Variants in HS3ST4 observed in about 807,000 individuals in gnomAD.
HS3ST4 encodes heparan sulfate-glucosamine 3-sulfotransferase 4.
In HS3ST4, 17 loss-of-function variants were observed where a neutral mutation model predicts 29.2. That is an observed-to-expected ratio of 0.58 (90% confidence interval 0.40 to 0.87). The LOEUF (loss-of-function observed/expected upper bound fraction) is 0.87. HS3ST4 is among the 40% of genes least tolerant of loss of function. The pLI is 0.00. For missense variants in HS3ST4, 627 were observed against 634.5 expected (o/e 0.99, Z 0.13); for synonymous variants, 314 against 285.7 (o/e 1.10, Z -1.00).
intron 1 of HS3ST4, among the ~76,000 whole-genome samples, chr16:25,833,517 A>G (rs895186497): frequency 1.3e-5 from 2 of 152,204 alleles, no homozygotes; most frequent in South Asian, 2.1e-4. Flanking sequence ...ACAGTACCTG[A>G]TATATCATAA....
chr16:25,965,277 A>G (rs1480233398), intron 1 of HS3ST4, among the ~76,000 whole-genome samples: 2 of 151,860 alleles, frequency 1.3e-5, no homozygotes, highest in Non-Finnish European at 2.9e-5. Flanking sequence ...TGAAGCCATG[A>G]GCAGAGGGGG....
intron 1 of HS3ST4, among the ~76,000 whole-genome samples, chr16:25,762,108 T>C (rs1370370194): frequency 6.6e-6 from 1 of 152,118 alleles, no homozygotes; most frequent in Non-Finnish European, 1.5e-5. Context: ...GGAGGATCCA[T>C]GAAGCCATAA....
rs570967532 is a variant in HS3ST4 at position 26,002,557 on chromosome 16, A to C, written c.735-133055A>C. 1.2e-3 allele frequency among the ~76,000 whole-genome samples: 184 copies of C among 152,192 alleles called. 1 individual carries two copies. The highest frequency in any genetic ancestry group is 4.4e-3 in the African/African-American group (183 of 41,524). ...AGATAAATGGTGGAAGGATGTGTCT[A>C]TGATTGTGCCACTCATTCCAGCCTG... On this transcript the variant is annotated intron_variant, in intron 1 of 1. Transcript: ENST00000331351.
intron 1 of HS3ST4, among the ~76,000 whole-genome samples, chr16:25,884,812 C>T (rs577572682): frequency 6.8e-4 from 104 of 152,232 alleles, no homozygotes; most frequent in African/African-American, 2.5e-3. Context: ...TTGATCCACC[C>T]GCCTGAGCTA....
chr16:25,872,675 G>A (rs1283560993), intron 1 of HS3ST4, among the ~76,000 whole-genome samples: 1 of 152,218 alleles, frequency 6.6e-6, no homozygotes, highest in African/African-American at 2.4e-5. Flanking sequence ...TTCAGCTTCT[G>A]CTGGATTCAC....
intron 1 of HS3ST4, among the ~76,000 whole-genome samples, chr16:25,710,019 TTTA>T (rs1966405239): frequency 6.6e-6 from 1 of 152,196 alleles, no homozygotes; most frequent in African/African-American, 2.4e-5. Flanking sequence ...TCAGTCTTAA[TTTA>T]ACAACTAGAT....
At chr16:26,028,314 A>G (rs902337961) in intron 1 of HS3ST4, among the ~76,000 whole-genome samples, 1 of 151,890 alleles carries the variant, frequency 6.6e-6, no homozygotes, top group African/African-American at 2.4e-5. Context: ...AAGTAAGCAA[A>G]GATGAGGTAG....
In HS3ST4 at chr16:25,692,341, G is replaced by A. The variant is rs1294345874; in HGVS notation, c.-77G>A. The stretch of plus-strand genomic sequence containing the variant: ...CGGCGGCGGCGGCGGCGGCGGCGGG[G>A]GCGGCGGCTGAAACCATGTCCGGGC... On this transcript the variant is annotated 5_prime_UTR_variant, in exon 1 of 2. Coordinates refer to ENST00000331351, the MANE Select transcript of HS3ST4 (RefSeq NM_006040.3). 1 of 165,530 alleles carries A rather than the reference G, an allele frequency of 6.0e-6. No homozygotes were observed. Among genetic ancestry groups the A allele is most frequent in the Non-Finnish European group, 1.2e-5 (1 of 83,706 alleles). The allele number at this position is 165,530 out of a possible 1,614,324, so 10.3% of individuals were successfully genotyped here.
At chr16:25,966,950 GGGT>G (rs1462821526) in intron 1 of HS3ST4, among the ~76,000 whole-genome samples, 1 of 152,118 alleles carries the variant, frequency 6.6e-6, no homozygotes, top group African/African-American at 2.4e-5. Flanking sequence ...TCTCAGCACA[GGGT>G]ACCCAGGCCT....
At chr16:25,936,352 T>C (rs530879215) in intron 1 of HS3ST4, among the ~76,000 whole-genome samples, 15 of 152,284 alleles carry the variant, frequency 9.9e-5, no homozygotes, top group Non-Finnish European at 2.1e-4. Context: ...TACTGAGACA[T>C]GATGAAATCA....
chr16:26,126,011 G>A (rs905947023), intron 1 of HS3ST4, among the ~76,000 whole-genome samples: 3 of 152,158 alleles, frequency 2.0e-5, no homozygotes, highest in African/African-American at 7.2e-5. Context: ...AGATTCTTAT[G>A]TTCTAACTCA....
At chr16:26,032,783 G>A in intron 1 of HS3ST4, 1 of 1,349,510 alleles carries the variant, frequency 7.4e-7, no homozygotes, top group Non-Finnish European at 1.1e-6. Context: ...ATCTCCCTTA[G>A]CATCCCCTTC....
chr16:25,713,049 T>A lies in HS3ST4; in HGVS notation c.734+19898T>A, dbSNP rs184869934. Reference sequence around the variant, plus strand: ...TTTGACCTCATTTAAATGTTTTTTTTAATTTTTATTTATTTATTTATTTTT... The same window carrying A: ...TTTGACCTCATTTAAATGTTTTTTTAAATTTTTATTTATTTATTTATTTTT... On this transcript the variant is annotated intron_variant, in intron 1 of 1. Transcript: ENST00000331351. 5.4e-3 allele frequency among the ~76,000 whole-genome samples: 819 copies of A among 150,996 alleles called. 5 individuals are homozygous for A. Among genetic ancestry groups the A allele is most frequent in the Middle Eastern group, 0.01 (3 of 292 alleles).
At chr16:25,880,826 T>C in intron 1 of HS3ST4, among the ~76,000 whole-genome samples, 1 of 152,256 alleles carries the variant, frequency 6.6e-6, no homozygotes, top group Non-Finnish European at 1.5e-5. Flanking sequence ...CTTGTATGTC[T>C]TTTAAATAAA....
intron 1 of HS3ST4, among the ~76,000 whole-genome samples, chr16:25,882,719 A>C (rs369013056): frequency 6.6e-6 from 1 of 152,088 alleles, no homozygotes; most frequent in Admixed American, 6.5e-5. Context: ...CGCATGGGCA[A>C]TTCAGATGGC....
intron 1 of HS3ST4, among the ~76,000 whole-genome samples, chr16:25,943,069 A>T (rs1340541655): frequency 6.6e-6 from 1 of 152,244 alleles, no homozygotes; most frequent in African/African-American, 2.4e-5. Context: ...TAATTCTAAT[A>T]ATAAAAATCT....
chr16:25,996,172 T>G (rs1969157536), intron 1 of HS3ST4, among the ~76,000 whole-genome samples: 1 of 152,180 alleles, frequency 6.6e-6, no homozygotes. Flanking sequence ...GTAGCAATTC[T>G]CTGCAGGCAT....
rs148223392 is a variant in HS3ST4, at chr16:26,015,351, G to A, written c.735-120261G>A. ...GGAAGAAATGCAGAAGCAGAATCTGGTGGGGAATGGGGGTCCCAAATGCAG... is the reference window on the plus strand; with the variant it reads ...GGAAGAAATGCAGAAGCAGAATCTGATGGGGAATGGGGGTCCCAAATGCAG... On this transcript the variant is annotated intron_variant, in intron 1 of 1. Transcript: ENST00000331351. Among the ~76,000 whole-genome samples, 438 of 152,316 alleles carry A rather than the reference G, an allele frequency of 2.9e-3. 3 individuals carry two copies. Among genetic ancestry groups the A allele is most frequent in the African/African-American group, 9.8e-3 (408 of 41,562 alleles).
intron 1 of HS3ST4, among the ~76,000 whole-genome samples, chr16:25,757,139 G>C (rs1167035811): frequency 6.6e-6 from 1 of 152,122 alleles, no homozygotes; most frequent in African/African-American, 2.4e-5. Flanking sequence ...TGTTTACATA[G>C]ATATCATTGT....
Sources: gnomAD v4.1 joint callset for allele counts (sites outside exome capture counted in the v4.1 genomes callset) on GRCh38, gnomAD v4.1.1 for gene constraint, MANE v1.5 for transcripts, NCBI Gene and HGNC (gene_info 2026-07-23, HGNC 2026-07-21) for gene names.